SIPA1L2: variants seen among roughly 807,000 people sequenced by gnomAD.
The protein encoded by SIPA1L2 is signal-induced proliferation-associated 1-like protein 2.
Under a neutral mutation model 163.9 loss-of-function variants are expected in SIPA1L2, and 56 were observed. The observed-to-expected ratio is 0.34, with a 90% CI of 0.28 to 0.43. The LOEUF is 0.43. Ranked by LOEUF, SIPA1L2 falls within the 20% of genes least tolerant of loss-of-function variation. The pLI, the probability that SIPA1L2 is intolerant of heterozygous loss-of-function variation, is 1.00. For synonymous variants in SIPA1L2, 877 were observed against 865.7 expected (o/e 1.01, Z -0.23); for missense variants, 1,974 against 2,193.5 (o/e 0.90, Z 2.00).
At chr1:232,457,944 T>A (rs1443666808) in intron 10 of SIPA1L2, among the ~76,000 whole-genome samples, 10 of 152,064 alleles carry the variant, frequency 6.6e-5, no homozygotes, top group Non-Finnish European at 8.8e-5. Flanking sequence ...AAATCAAAAC[T>A]AACAAAAATA....
chr1:232,596,125 A>G (rs6666399), intron 1 of SIPA1L2, among the ~76,000 whole-genome samples: 37,339 of 152,126 alleles, frequency 0.25, 4,686 homozygotes, highest in Non-Finnish European at 0.25. Flanking sequence ...GGAGAAAGAA[A>G]AGAAGGTTCT....
chr1:232,470,660 T>C (rs974884634), intron 8 of SIPA1L2, among the ~76,000 whole-genome samples: 1 of 152,224 alleles, frequency 6.6e-6, no homozygotes. Context: ...TTAAGCTATT[T>C]ATTCATCATA....
At chr1:232,437,458 A>T (rs1662631758) in intron 15 of SIPA1L2, among the ~76,000 whole-genome samples, 1 of 152,238 alleles carries the variant, frequency 6.6e-6, no homozygotes, top group Non-Finnish European at 1.5e-5. Context: ...ACTGGTAAAA[A>T]AAGTAGTAGG....
At chr1:232,509,408 A>C (rs553623162) in intron 3 of SIPA1L2, among the ~76,000 whole-genome samples, 1 of 152,226 alleles carries the variant, frequency 6.6e-6, no homozygotes, top group African/African-American at 2.4e-5. Context: ...AACAAAATAA[A>C]AGCACTCTGG....
rs897879765 is a variant in SIPA1L2, at chr1:232,524,640, T to C, written c.-269-9032A>G. Among the ~76,000 whole-genome samples, 6 of 152,098 alleles carry C rather than the reference T, an allele frequency of 3.9e-5. No individual in the cohort carries two copies. The East Asian group carries it at 5.8e-4, about 15-fold the overall frequency. ...AACAGTCAGTGATCAGGGATAAACA[T>C]AGTACATATATAAAATAAATAACTA... On this transcript the variant is annotated intron_variant, in intron 2 of 22. Coordinates refer to ENST00000674635, the MANE Select transcript of SIPA1L2 (RefSeq NM_020808.5).
At chr1:232,555,261 G>A (rs190117050) in intron 2 of SIPA1L2, among the ~76,000 whole-genome samples, 2 of 152,306 alleles carry the variant, frequency 1.3e-5, no homozygotes, top group Admixed American at 1.3e-4. Context: ...CACCTCCACC[G>A]GTAATCTGAA....
At chr1:232,493,790 A>G (rs1666046545) in intron 3 of SIPA1L2, 130 bp from the exon 4 acceptor site, 1 of 1,178,994 alleles carries the variant, frequency 8.5e-7, no homozygotes, top group Non-Finnish European at 1.2e-6. Context: ...ATTTCCTTGT[A>G]TCTGTTTCAT....
rs748182999 is a variant in SIPA1L2, at chr1:232,541,298, T to TAACATAA, written c.-269-25691_-269-25690insTTATGTT. ...TAACATAACATAACATAACATAACATAACAGAATATATCTTCTGGGCTTGC... is the reference window on the plus strand; with the variant it reads ...TAACATAACATAACATAACATAACATAACATAAAACAGAATATATCTTCTGGGCTTGC... On this transcript the variant is annotated intron_variant, in intron 2 of 22. Coordinates refer to ENST00000674635, the MANE Select transcript of SIPA1L2 (RefSeq NM_020808.5). 1.9e-3 allele frequency among the ~76,000 whole-genome samples: 282 copies of TAACATAA among 147,100 alleles called. 2 individuals carry two copies. The highest frequency in any genetic ancestry group is 4.0e-3 in the Admixed American group (59 of 14,610).
chr1:232,521,032 A>G (rs1363786507), intron 2 of SIPA1L2, among the ~76,000 whole-genome samples: 1 of 152,262 alleles, frequency 6.6e-6, no homozygotes, highest in Non-Finnish European at 1.5e-5. Flanking sequence ...AAGTTCAATA[A>G]TATTTTTGCC....
In SIPA1L2 at chr1:232,445,473, G is replaced by A. The variant is rs939865915; in HGVS notation, c.3353+56C>T. ...AGCAAAACCCTCCCTACAATGTCAA[G>A]TTCTCACCCCAGTGATTTACAAGGG... On this transcript the variant is annotated intron_variant, in intron 11 of 22. Transcript: ENST00000674635. 7 of 1,608,456 alleles carry A rather than the reference G, an allele frequency of 4.4e-6. No individual in the cohort carries two copies. The African/African-American group carries it at 9.4e-5, about 22-fold the overall frequency.
At chr1:232,589,501 C>T (rs1044221070) in intron 1 of SIPA1L2, among the ~76,000 whole-genome samples, 1 of 152,200 alleles carries the variant, frequency 6.6e-6, no homozygotes, top group Non-Finnish European at 1.5e-5. Flanking sequence ...AGCTTCTCTT[C>T]GCAGAAATTC....
chr1:232,404,846 C>T (rs1176000432), intron 19 of SIPA1L2, among the ~76,000 whole-genome samples: 10 of 152,106 alleles, frequency 6.6e-5, no homozygotes, highest in Non-Finnish European at 1.3e-4. Context: ...CACCCTCATT[C>T]CCTGGAGTCT....
intron 2 of SIPA1L2, among the ~76,000 whole-genome samples, chr1:232,550,344 G>A (rs1040001329): frequency 2.0e-5 from 3 of 152,076 alleles, no homozygotes; most frequent in East Asian, 1.9e-4. Context: ...GCCACCCACC[G>A]CAAGTCAGAC....
intron 1 of SIPA1L2, among the ~76,000 whole-genome samples, chr1:232,615,439 C>CA (rs1206438935): frequency 3.3e-5 from 5 of 152,186 alleles, no homozygotes; most frequent in Admixed American, 6.5e-5. Flanking sequence ...GACCCCATCC[C>CA]AGCTCCTCAG....
intron 5 of SIPA1L2, among the ~76,000 whole-genome samples, chr1:232,487,165 A>G (rs1665684303): frequency 6.6e-6 from 1 of 152,214 alleles, no homozygotes; most frequent in African/African-American, 2.4e-5. Flanking sequence ...AGAGGATCCA[A>G]CCCACGTCCC....
chr1:232,539,488 T>C (rs1210956513), intron 2 of SIPA1L2, among the ~76,000 whole-genome samples: 1 of 152,216 alleles, frequency 6.6e-6, no homozygotes, highest in South Asian at 2.1e-4. Flanking sequence ...AGATTTCCCC[T>C]TCTGCATCTT....
At chr1:232,546,907 G>C (rs1380821673) in intron 2 of SIPA1L2, among the ~76,000 whole-genome samples, 3 of 152,198 alleles carry the variant, frequency 2.0e-5, no homozygotes, top group Non-Finnish European at 2.9e-5. Context: ...ATGAGGAGGA[G>C]GTCTGCCAGG....
chr1:232,509,641 T>A (rs1666889545), intron 3 of SIPA1L2, among the ~76,000 whole-genome samples: 1 of 152,178 alleles, frequency 6.6e-6, no homozygotes, highest in South Asian at 2.1e-4. Flanking sequence ...GAAGCGGGAA[T>A]GGGAATCTAC....
chr1:232,422,513 A>C (rs1371273957), intron 18 of SIPA1L2, among the ~76,000 whole-genome samples: 1 of 152,220 alleles, frequency 6.6e-6, no homozygotes, highest in African/African-American at 2.4e-5. Context: ...ATGGGCAGTT[A>C]CTGGTGCTTT....
Sources: allele counts gnomAD v4.1 joint callset (sites outside exome capture counted in the v4.1 genomes callset), GRCh38; gene constraint gnomAD v4.1.1; transcripts MANE v1.5; gene names NCBI Gene and HGNC (gene_info 2026-07-23, HGNC 2026-07-21).